XPO4: variants seen among roughly 807,000 people sequenced by gnomAD.
The protein encoded by XPO4 is exportin-4.
XPO4 carries 39 observed loss-of-function variants against 143.0 expected under a neutral mutation model. The observed-to-expected ratio is 0.27, with a 90% CI of 0.21 to 0.36. The LOEUF (loss-of-function observed/expected upper bound fraction) is 0.36, where lower values mean the gene tolerates loss of function less well. Ranked by LOEUF, XPO4 falls within the 10% of genes least tolerant of loss-of-function variation. The pLI is 1.00. For missense variants in XPO4, 907 were observed against 1,348.0 expected, an observed-to-expected ratio of 0.67 and a Z score of 5.12; for synonymous variants, 439 against 474.0, an observed-to-expected ratio of 0.93 and a Z score of 0.96.
In XPO4 at chr13:20,783,993, C is replaced by T. The variant is rs1040196417; in HGVS notation, c.3259-74G>A. 4 of 1,451,908 alleles carry T rather than the reference C, an allele frequency of 2.8e-6. No homozygotes were observed. The African/African-American group carries it at 5.6e-5, about 20-fold the overall frequency. The allele number at this position is 1,451,908 out of a possible 1,614,324, so 89.9% of individuals were successfully genotyped here. A position where few individuals can be genotyped will look rare whatever the true frequency, so the allele number is the denominator to read the frequency against. ...CAAGTAGATCTTATCAGTTACTGGACTGTGGGGTTCTAAAAGGCAGGGACA... is the reference window on the plus strand; with the variant it reads ...CAAGTAGATCTTATCAGTTACTGGATTGTGGGGTTCTAAAAGGCAGGGACA... On this transcript the variant is annotated intron_variant, in intron 22 of 22. Coordinates refer to ENST00000255305, the MANE Select transcript of XPO4 (RefSeq NM_022459.5).
intron 1 of XPO4, among the ~76,000 whole-genome samples, chr13:20,892,016 G>GT (rs1047260443): frequency 1.4e-3 from 206 of 147,000 alleles, no homozygotes; most frequent in Non-Finnish European, 1.9e-3. Context: ...AATCTGACAA[G>GT]TTTTTTTTTG....
chr13:20,857,259 C>A (rs540720650), intron 3 of XPO4, among the ~76,000 whole-genome samples: 3 of 152,252 alleles, frequency 2.0e-5, no homozygotes, highest in South Asian at 2.1e-4. Flanking sequence ...TACAAATGTA[C>A]ACAAACATAG....
Position 20,809,771 on chromosome 13 carries a change from C to A in XPO4, c.1350+20G>T, listed in dbSNP as rs1337056844. ...CTATGATGAAATAGACTGTTAATTA[C>A]CATCTTGCTTAAAACTCACCAAATT... is the stretch of plus-strand genomic sequence containing the variant. On this transcript the variant is annotated intron_variant, in intron 10 of 22. Transcript: ENST00000255305. The A allele has an allele frequency of 6.3e-7, 1 of 1,583,678 alleles. No individual in the cohort carries two copies. Among genetic ancestry groups the A allele is most frequent in the Non-Finnish European group, 8.6e-7 (1 of 1,165,646 alleles).
At chr13:20,823,620 A>C (rs1020217334) in intron 7 of XPO4, among the ~76,000 whole-genome samples, 2 of 151,314 alleles carry the variant, frequency 1.3e-5, no homozygotes, top group Non-Finnish European at 2.9e-5. Flanking sequence ...CAATAAAAAT[A>C]ATATTTTGTG....
At chr13:20,788,374 T>A in intron 20 of XPO4, 112 bp downstream of exon 20, 2 of 1,431,304 alleles carry the variant, frequency 1.4e-6, no homozygotes, top group Non-Finnish European at 1.9e-6. Context: ...TTTTAAGAAA[T>A]AAAATTGAAC....
chr13:20,826,112 T>A (rs2059781467), intron 7 of XPO4, among the ~76,000 whole-genome samples: 2 of 152,344 alleles, frequency 1.3e-5, no homozygotes, highest in South Asian at 4.1e-4. Context: ...TTAACTTGTA[T>A]ATTCCCCCTA....
At chr13:20,839,313 C>T (rs987293361) in intron 6 of XPO4, among the ~76,000 whole-genome samples, 4 of 152,066 alleles carry the variant, frequency 2.6e-5, no homozygotes, top group Non-Finnish European at 4.4e-5. Context: ...TCCATTTATA[C>T]GCTATGTCTA....
At chr13:20,838,835 C>T (rs1466848365) in intron 6 of XPO4, among the ~76,000 whole-genome samples, 3 of 151,962 alleles carry the variant, frequency 2.0e-5, no homozygotes, top group African/African-American at 7.2e-5. Context: ...GTGGAAACAA[C>T]CCAACTGTCC....
In XPO4 at chr13:20,852,368, T is replaced by C. The variant is rs2060097784; in HGVS notation, c.456+3259A>G. 4.1e-6 allele frequency: 4 copies of C among 985,344 alleles called. No homozygotes were observed. In the South Asian group the frequency reaches 1.9e-4, roughly 46 times the overall value. The allele number at this position is 985,344 out of a possible 1,614,324, so 61.0% of individuals were successfully genotyped here. ...TAATATTTCCAAGTAGCAGCCTCAG[T>C]TGCAAACCTTTTCTCTGCTATTTTT... On this transcript the variant is annotated intron_variant, in intron 4 of 22. Transcript: ENST00000255305.
At chr13:20,845,106 AG>A (rs1189513168) in intron 4 of XPO4, among the ~76,000 whole-genome samples, 1 of 152,246 alleles carries the variant, frequency 6.6e-6, no homozygotes, top group Non-Finnish European at 1.5e-5. Flanking sequence ...TGGGAGCCGA[AG>A]GCTGCAATGA....
chr13:20,882,383 C>T (rs1421209065), intron 1 of XPO4, among the ~76,000 whole-genome samples: 1 of 152,060 alleles, frequency 6.6e-6, no homozygotes, highest in Non-Finnish European at 1.5e-5. Context: ...GGAGAGCCAG[C>T]ATATCATATG....
chr13:20,838,236 C>T (rs1039351917), intron 6 of XPO4, among the ~76,000 whole-genome samples: 1 of 152,180 alleles, frequency 6.6e-6, no homozygotes, highest in East Asian at 1.9e-4. Flanking sequence ...TATGCACATC[C>T]TACAGCCACT....
chr13:20,819,812 A>G (rs1031247089), intron 9 of XPO4, among the ~76,000 whole-genome samples: 1 of 152,212 alleles, frequency 6.6e-6, no homozygotes, highest in Non-Finnish European at 1.5e-5. Flanking sequence ...ATTTGTTCCT[A>G]TATTTCTGGT....
In XPO4 at chr13:20,902,655, G is replaced by C; in HGVS notation, c.69+15C>G. 6.4e-7 allele frequency: 1 copy of C among 1,562,658 alleles called. No individual in the cohort carries two copies. The highest frequency in any genetic ancestry group is 1.4e-5 in the African/African-American group (1 of 72,210). On this transcript the variant is annotated intron_variant, in intron 1 of 22. Transcript: ENST00000255305. Reference sequence around the variant, plus strand: ...GCCCGCGAATCCCGGGGTCTGAGGGGCGCGGCGTCCTCACCATCAGAACTT... The same window carrying C: ...GCCCGCGAATCCCGGGGTCTGAGGGCCGCGGCGTCCTCACCATCAGAACTT...
At chr13:20,829,662 T>C (rs1376212475) in intron 6 of XPO4, among the ~76,000 whole-genome samples, 15 of 152,172 alleles carry the variant, frequency 9.9e-5, no homozygotes, top group African/African-American at 2.7e-4. Context: ...GGGAATCATA[T>C]TTATAAATTT....
At chr13:20,837,215 G>A (rs936120442) in intron 6 of XPO4, among the ~76,000 whole-genome samples, 12 of 152,068 alleles carry the variant, frequency 7.9e-5, no homozygotes, top group Non-Finnish European at 1.3e-4. Flanking sequence ...GGGCTGTCCC[G>A]TGCTTTGTAG....
chr13:20,788,519 CT>C lies in XPO4; in HGVS notation c.3013del (p.Ser1005ValfsTer2). On this transcript the variant is annotated frameshift_variant, in exon 20 of 23. Transcript: ENST00000255305. LOFTEE classifies it high-confidence loss of function. ...TCCTAATTCTAGGGAGTACATCAGACTTTTAAACAGATCCTCAGGAAGCTGT... is the reference window on the plus strand; with the variant it reads ...TCCTAATTCTAGGGAGTACATCAGACTTTAAACAGATCCTCAGGAAGCTGT... The part of the protein sequence containing the change: ...IPQLPEDLFK[S>X]LMYSLELGMT... The C allele has an allele frequency of 1.2e-6, 2 of 1,613,048 alleles. No homozygotes were observed. Among genetic ancestry groups the C allele is most frequent in the Admixed American group, 1.7e-5 (1 of 59,880 alleles).
At chr13:20,838,840 C>T (rs1295192154) in intron 6 of XPO4, among the ~76,000 whole-genome samples, 1 of 152,060 alleles carries the variant, frequency 6.6e-6, no homozygotes, top group Non-Finnish European at 1.5e-5. Flanking sequence ...AACAACCCAA[C>T]TGTCCATCAA....
At chr13:20,789,565 T>TG (rs1323029698) in intron 19 of XPO4, among the ~76,000 whole-genome samples, 31 of 150,796 alleles carry the variant, frequency 2.1e-4, no homozygotes, top group Middle Eastern at 3.4e-3. Context: ...CGGCTTTTTT[T>TG]TTGTGTGTGT....
Sources: gnomAD v4.1 joint callset for allele counts (sites outside exome capture counted in the v4.1 genomes callset) on GRCh38, gnomAD v4.1.1 for gene constraint, MANE v1.5 for transcripts, NCBI Gene and HGNC (gene_info 2026-07-23, HGNC 2026-07-21) for gene names.